PAX3: variants seen among roughly 807,000 people sequenced by gnomAD.
The protein encoded by PAX3 is paired box 3.
A neutral mutation model predicts 51.6 loss-of-function variants in PAX3; 14 were observed. The observed-to-expected ratio is 0.27, with a 90% CI of 0.18 to 0.42. The LOEUF (loss-of-function observed/expected upper bound fraction) is 0.42, where lower values mean the gene tolerates loss of function less well. Ranked by LOEUF, PAX3 falls within the 10% of genes least tolerant of loss-of-function variation. The pLI is 1.00. For synonymous variants in PAX3, 280 were observed against 253.4 expected, an observed-to-expected ratio of 1.11 and a Z score of -1.00; for missense variants, 540 against 642.8, an observed-to-expected ratio of 0.84 and a Z score of 1.73.
intron 4 of PAX3, among the ~76,000 whole-genome samples, chr2:222,285,331 G>A (rs45565532): frequency 0.12 from 18,640 of 152,204 alleles, 1,496 homozygotes; most frequent in East Asian, 0.33. Flanking sequence ...TTGAAAGAAA[G>A]AGGTAGTATG....
chr2:222,255,958 G>A lies in PAX3; in HGVS notation c.587-23675C>T, dbSNP rs370508102. Among the ~76,000 whole-genome samples, 32 of 127,404 alleles carry A rather than the reference G, an allele frequency of 2.5e-4. No homozygotes were observed. In the East Asian group the frequency reaches 4.0e-3, roughly 16 times the overall value. 83.6% of individuals were successfully genotyped at this position (127,404 alleles called of 152,430 possible). On this transcript the variant is annotated intron_variant, in intron 4 of 8. Transcript: ENST00000392070. ...TTTTTTTTGTATTTTTAGTAGAGAC[G>A]GGGTTTCAGCATGTGTTAGCCAGGA...
At chr2:222,232,307 A>G (rs751171890) in intron 4 of PAX3, 24 bp from the exon 5 acceptor site, 13 of 1,598,350 alleles carry the variant, frequency 8.1e-6, no homozygotes, top group African/African-American at 2.7e-5. Flanking sequence ...AGAACAAAAC[A>G]TCATAAAATG....
intron 4 of PAX3, among the ~76,000 whole-genome samples, chr2:222,283,303 C>T (rs911959948): frequency 1.3e-5 from 2 of 151,986 alleles, no homozygotes; most frequent in African/African-American, 4.8e-5. Flanking sequence ...AGGTAGGGTA[C>T]CATTTCTGCC....
chr2:222,203,563 T>A (rs1007286009), intron 7 of PAX3, among the ~76,000 whole-genome samples: 2 of 152,088 alleles, frequency 1.3e-5, no homozygotes, highest in Admixed American at 6.6e-5. Flanking sequence ...TCATGCTAAC[T>A]GCAGAATAAC....
intron 7 of PAX3, among the ~76,000 whole-genome samples, chr2:222,204,746 A>G (rs1574623875): frequency 6.6e-6 from 1 of 152,210 alleles, no homozygotes; most frequent in Non-Finnish European, 1.5e-5. Context: ...CAGAGAGGAA[A>G]GATATCCAGT....
Position 222,293,767 on chromosome 2 carries a change from T to C in PAX3, c.586+400A>G, listed in dbSNP as rs769162101. 6 of 1,614,150 alleles carry C rather than the reference T, an allele frequency of 3.7e-6. No homozygotes were observed. In the Admixed American group the frequency reaches 1.0e-4, roughly 27 times the overall value. ...GAGACCAGGGCCTTTCCTGAGGGCATAAAAGCTACTTCAACTTCTGAAGAT... is the reference window on the plus strand; with the variant it reads ...GAGACCAGGGCCTTTCCTGAGGGCACAAAAGCTACTTCAACTTCTGAAGAT... On this transcript the variant is annotated intron_variant, in intron 4 of 8. Coordinates refer to ENST00000392070, the MANE Select transcript of PAX3 (RefSeq NM_181458.4).
chr2:222,245,542 C>G (rs1487924258), intron 4 of PAX3, among the ~76,000 whole-genome samples: 1 of 152,180 alleles, frequency 6.6e-6, no homozygotes, highest in Non-Finnish European at 1.5e-5. Context: ...AACTGCCTTT[C>G]TTTTCCACAT....
intron 4 of PAX3, among the ~76,000 whole-genome samples, chr2:222,286,422 C>T (rs1694836047): frequency 6.6e-6 from 1 of 152,180 alleles, no homozygotes; most frequent in South Asian, 2.1e-4. Context: ...AACACACAGC[C>T]AGTTTAATAG....
At chr2:222,234,023 C>T (rs947585147) in intron 4 of PAX3, among the ~76,000 whole-genome samples, 1 of 152,140 alleles carries the variant, frequency 6.6e-6, no homozygotes, top group Non-Finnish European at 1.5e-5. Context: ...TCTAAAATTT[C>T]ATTCTATTTC....
chr2:222,286,482 A>G (rs529028691), intron 4 of PAX3, among the ~76,000 whole-genome samples: 6 of 152,348 alleles, frequency 3.9e-5, no homozygotes, highest in African/African-American at 1.4e-4. Flanking sequence ...TAATTTATCA[A>G]TCACCTCAGT....
In PAX3 at chr2:222,293,367, C is replaced by G. The variant is rs186728853; in HGVS notation, c.586+800G>C. On this transcript the variant is annotated intron_variant, in intron 4 of 8. Transcript: ENST00000392070. ...CTTTCTTTCTTTTTGCGTTTGTACC[C>G]TTAAAGTTTGAGGATGGCTTGCGGC... Among the ~76,000 whole-genome samples, 156 of 152,220 alleles carry G rather than the reference C, an allele frequency of 1.0e-3. 1 individual carries two copies. The highest frequency in any genetic ancestry group is 3.6e-3 in the African/African-American group (148 of 41,536).
rs560745076 is a variant in PAX3 at position 222,225,209 on chromosome 2, G to A, written c.793-3822C>T. Among the ~76,000 whole-genome samples, 5 of 152,222 alleles carry A rather than the reference G, an allele frequency of 3.3e-5. No homozygotes were observed. The South Asian group carries it at 1.0e-3, about 32-fold the overall frequency. ...CTCAAAGCAAGTTGTTATTTCATTT[G>A]ATAAACTGCAGCCCGGTTCATTTTT... On this transcript the variant is annotated intron_variant, in intron 5 of 8. Coordinates refer to ENST00000392070, the MANE Select transcript of PAX3 (RefSeq NM_181458.4).
intron 4 of PAX3, among the ~76,000 whole-genome samples, chr2:222,292,561 C>A (rs1200080664): frequency 2.0e-5 from 3 of 152,326 alleles, no homozygotes; most frequent in East Asian, 1.9e-4. Flanking sequence ...GAGCCTCCAG[C>A]AACAAGTAGC....
Position 222,292,557 on chromosome 2 carries a change from C to T in PAX3, c.586+1610G>A, listed in dbSNP as rs554922386. Among the ~76,000 whole-genome samples the T allele has an allele frequency of 1.7e-3, 252 of 152,348 alleles. 1 individual carries two copies. Among genetic ancestry groups the T allele is most frequent in the Middle Eastern group, 3.4e-3 (1 of 294 alleles). ...AGCCAGTCTGCCAGCGCCGGAGCCT[C>T]CAGCAACAAGTAGCAAAGCCGTGAG... is the stretch of plus-strand genomic sequence containing the variant. On this transcript the variant is annotated intron_variant, in intron 4 of 8. Coordinates refer to ENST00000392070, the MANE Select transcript of PAX3 (RefSeq NM_181458.4).
chr2:222,248,877 A>G (rs1157436891), intron 4 of PAX3, among the ~76,000 whole-genome samples: 4 of 152,168 alleles, frequency 2.6e-5, no homozygotes, highest in Non-Finnish European at 5.9e-5. Context: ...ATCTGAGGAA[A>G]GGAGGAAAAA....
At position 222,293,858 on chromosome 2, in the gene PAX3, A is replaced by C. The variant is rs921623823; in HGVS notation, c.586+309T>G. On this transcript the variant is annotated intron_variant, in intron 4 of 8. Transcript: ENST00000392070. ...TGCCCAGTCTCATACATTTAATGGCAACAGAGTGAGAGCTTCCCCTGCCCC... is the reference window on the plus strand; with the variant it reads ...TGCCCAGTCTCATACATTTAATGGCCACAGAGTGAGAGCTTCCCCTGCCCC... 8 of 1,612,068 alleles carry C rather than the reference A, an allele frequency of 5.0e-6. No individual in the cohort carries two copies. In the African/African-American group the frequency reaches 1.1e-4, roughly 22 times the overall value.
chr2:222,221,133 G>A, intron 6 of PAX3, 89 bp downstream of exon 6: 1 of 1,208,244 alleles, frequency 8.3e-7, no homozygotes, highest in East Asian at 2.3e-5. Flanking sequence ...CATGGTGTCA[G>A]TACTGCAGAA....
At chr2:222,249,952 C>T (rs897638256) in intron 4 of PAX3, among the ~76,000 whole-genome samples, 1 of 152,128 alleles carries the variant, frequency 6.6e-6, no homozygotes, top group African/African-American at 2.4e-5. Flanking sequence ...GTTTCTTTCC[C>T]AATTCCACTT....
intron 4 of PAX3, among the ~76,000 whole-genome samples, chr2:222,250,865 TATCTC>T (rs566141743): frequency 4.6e-3 from 707 of 152,298 alleles, no homozygotes; most frequent in Non-Finnish European, 7.9e-3. Flanking sequence ...AATTTTCACT[TATCTC>T]AGCAGTTCCA....
Sources: gnomAD v4.1 joint callset for allele counts (sites outside exome capture counted in the v4.1 genomes callset) on GRCh38, gnomAD v4.1.1 for gene constraint, MANE v1.5 for transcripts, NCBI Gene and HGNC (gene_info 2026-07-23, HGNC 2026-07-21) for gene names.